Variants in NLRP14 observed in about 807,000 individuals in gnomAD.
NLRP14 encodes the protein NACHT, LRR and PYD domains-containing protein 14.
Under a neutral mutation model 94.7 loss-of-function variants are expected in NLRP14, and 105 were observed. The ratio of observed to expected loss-of-function variants is 1.11; its 90% CI spans 0.95 to 1.30. The LOEUF (loss-of-function observed/expected upper bound fraction) is 1.30. NLRP14 is among the 50% of genes most tolerant of loss of function. The pLI is 0.00. For missense variants in NLRP14, 1,362 were observed against 1,254.1 expected (o/e 1.09, Z -1.30); for synonymous variants, 508 against 459.9 (o/e 1.10, Z -1.34).
intron 5 of NLRP14, 64 bp downstream of exon 5, chr11:7,046,896 C>G (rs1852361043): frequency 3.2e-6 from 4 of 1,230,910 alleles, no homozygotes; most frequent in Non-Finnish European, 4.8e-6. Context: ...CCATCTTCCA[C>G]TCATACTCGT....
rs148284961 is a variant in NLRP14, at chr11:7,043,408, T to G, written c.1382T>G (p.Met461Arg). The G allele has an allele frequency of 6.2e-7, 1 of 1,614,010 alleles. No homozygotes were observed. Among genetic ancestry groups the G allele is most frequent in the Admixed American group, 1.7e-5 (1 of 60,014 alleles). The change falls in exon 4 of 12, where the codon ATG becomes AGG. Residue 461 changes from methionine to arginine, a missense_variant. By Grantham distance (91) the Met-to-Arg change is moderately conservative (BLOSUM62 -1). Transcript: ENST00000299481. Reference sequence around the variant, plus strand: ...ACTCAATCTGATGTCTCTAGTTTTATGGACAGCAATATTATTCAGAAGGAC... The same window carrying G: ...ACTCAATCTGATGTCTCTAGTTTTAGGGACAGCAATATTATTCAGAAGGAC... Reference protein sequence around the residue: ...GLTQSDVSSFMDSNIIQKDAE... With the variant: ...GLTQSDVSSFRDSNIIQKDAE...
At chr11:7,028,052 C>T (rs1249966343) in intron 1 of NLRP14, among the ~76,000 whole-genome samples, 1 of 152,068 alleles carries the variant, frequency 6.6e-6, no homozygotes, top group Non-Finnish European at 1.5e-5. Flanking sequence ...ATGTTCTATT[C>T]TCACTCCCGG....
Position 7,070,295 on chromosome 11 carries a change from C to G in NLRP14, c.2985C>G (p.Tyr995Ter), listed in dbSNP as rs1260131915. 5 of 1,609,598 alleles carry G rather than the reference C, an allele frequency of 3.1e-6. No homozygotes were observed. The highest frequency in any genetic ancestry group is 4.3e-6 in the Non-Finnish European group (5 of 1,176,468). ...TCTCTCTTCTCTACAGGTTGGAATA[C>G]TGTGGTTTGACATCTCTCTGCTGTC... ...NCNIQRLGLEYCGLTSLCCQD... is the reference protein window; with the variant it reads ...NCNIQRLGLE The change falls in exon 11 of 12, where the codon TAC becomes TAG. Residue 995 changes from tyrosine (Y) to a stop codon, truncating the protein, a stop_gained. Coordinates refer to ENST00000299481, the MANE Select transcript of NLRP14 (RefSeq NM_176822.4). LOFTEE classifies it high-confidence loss of function.
At chr11:7,089,041 C>A in the NLRP14 span, 1 of 1,511,894 alleles carries the variant, frequency 6.6e-7, no homozygotes, top group East Asian at 2.4e-5. Flanking sequence ...GAGCCGCCCT[C>A]GACGAGCGAG....
intron 6 of NLRP14, among the ~76,000 whole-genome samples, chr11:7,050,936 G>C (rs775094745): frequency 4.6e-5 from 7 of 152,184 alleles, no homozygotes; most frequent in Non-Finnish European, 8.8e-5. Flanking sequence ...AAATGTATTA[G>C]TAGCAAAAAG....
intron 1 of NLRP14, among the ~76,000 whole-genome samples, chr11:7,022,596 A>G (rs1192168258): frequency 6.6e-6 from 1 of 152,214 alleles, no homozygotes; most frequent in Non-Finnish European, 1.5e-5. Flanking sequence ...CTCTTCAAAC[A>G]TTAGCAGAAT....
chr11:7,039,734 C>A lies in NLRP14; in HGVS notation c.310C>A (p.Pro104Thr). ...EINWSAQTIGPDDAKAGETQE... is the reference protein window; with the variant it reads ...EINWSAQTIGTDDAKAGETQE... ...TGCAGGGTCGGCCCAGACTATAGGA[C>A]CAGATGATGCCAAGGCTGGAGAGAC... The change falls in exon 3 of 12, where the codon CCA becomes ACA. Residue 104 changes from proline to threonine, a missense_variant. Physicochemically the swap from Pro to Thr is conservative, Grantham distance 38. Transcript: ENST00000299481. The A allele has an allele frequency of 6.2e-7, 1 of 1,613,794 alleles. No individual in the cohort carries two copies. Among genetic ancestry groups the A allele is most frequent in the Non-Finnish European group, 8.5e-7 (1 of 1,179,748 alleles).
At chr11:7,088,020 C>A in the NLRP14 span, among the ~76,000 whole-genome samples, 2 of 152,036 alleles carry the variant, frequency 1.3e-5, no homozygotes, top group African/African-American at 4.8e-5. Context: ...ATTTACAAAT[C>A]CACAATTATG....
intron 1 of NLRP14, among the ~76,000 whole-genome samples, chr11:7,034,223 A>C (rs1347669530): frequency 6.6e-6 from 1 of 152,216 alleles, no homozygotes; most frequent in Non-Finnish European, 1.5e-5. Context: ...TGTCAATATC[A>C]GTACGGACTC....
intron 7 of NLRP14, 151 bp from the exon 8 acceptor site, chr11:7,058,129 G>C: frequency 1.4e-6 from 1 of 705,862 alleles, no homozygotes. Context: ...GCATACAGCT[G>C]CAATGGAATT....
Position 7,043,524 on chromosome 11 carries a change from G to T in NLRP14, c.1498G>T (p.Ala500Ser). The change falls in exon 4 of 12, where the codon GCT (alanine) becomes TCT (serine). Residue 500 changes from alanine to serine, a missense_variant. By Grantham distance (99) the Ala-to-Ser change is moderately conservative. Coordinates refer to ENST00000299481, the MANE Select transcript of NLRP14 (RefSeq NM_176822.4). ...MFYMLKGSWE[A>S]GNPSCQPFED... ...CTATATGTTGAAAGGCAGTTGGGAA[G>T]CTGGGAACCCTTCCTGCCAGCCTTT... 1 of 1,614,186 alleles carries T rather than the reference G, an allele frequency of 6.2e-7. No homozygotes were observed.
chr11:7,046,250 TG>T (rs894387345), intron 4 of NLRP14, among the ~76,000 whole-genome samples: 1 of 152,206 alleles, frequency 6.6e-6, no homozygotes, highest in Non-Finnish European at 1.5e-5. Flanking sequence ...GTGGTAGACC[TG>T]GGGCTCAGGC....
intron 10 of NLRP14, among the ~76,000 whole-genome samples, chr11:7,063,640 T>C (rs1852661163): frequency 1.3e-5 from 2 of 152,112 alleles, no homozygotes; most frequent in Non-Finnish European, 1.5e-5. Flanking sequence ...TCTTGGCTTC[T>C]GGTGAATTTT....
chr11:7,076,103 G>A (rs1020788744), downstream of NLRP14, among the ~76,000 whole-genome samples: 17 of 152,178 alleles, frequency 1.1e-4, no homozygotes, highest in African/African-American at 3.9e-4. Flanking sequence ...GTTAGAATAA[G>A]TCAAATGAAA....
the NLRP14 span, chr11:7,089,787 C>A: frequency 6.3e-7 from 1 of 1,596,950 alleles, no homozygotes; most frequent in East Asian, 2.3e-5. Context: ...CTACTCGAGC[C>A]GAGACTACCG....
At chr11:7,054,451 C>T (rs1852490543) in intron 6 of NLRP14, among the ~76,000 whole-genome samples, 1 of 152,092 alleles carries the variant, frequency 6.6e-6, no homozygotes, top group African/African-American at 2.4e-5. Context: ...CCTTTTTCTC[C>T]ACATCCTCAC....
intron 3 of NLRP14, among the ~76,000 whole-genome samples, 171 bp from the exon 4 acceptor site, chr11:7,042,217 G>T (rs1331833204): frequency 2.6e-5 from 4 of 151,448 alleles, no homozygotes; most frequent in African/African-American, 4.8e-5. Context: ...AAATCTATAG[G>T]AATATTTTTA....
rs1007887645 is a variant in NLRP14 at position 7,042,448 on chromosome 11, A to G, written c.422A>G (p.Lys141Arg). Residue 141 changes from lysine (K) to arginine (R), a missense_variant, in exon 4 of 12, where the codon AAG (lysine) becomes AGG (arginine). Lys to Arg is a conservative substitution (Grantham distance 26, BLOSUM62 2). Transcript: ENST00000299481. ...KEKFCITWDK[K>R]SLAGKPEDFH... ...AAATTTTGCATCACTTGGGACAAGA[A>G]GTCTTTGGCTGGAAAGCCTGAAGAT... The G allele has an allele frequency of 1.9e-6, 3 of 1,613,902 alleles. No homozygotes were observed. The African/African-American group carries it at 4.0e-5, about 22-fold the overall frequency.
intron 10 of NLRP14, among the ~76,000 whole-genome samples, chr11:7,068,152 A>G (rs1852734780): frequency 1.3e-5 from 2 of 151,800 alleles, no homozygotes; most frequent in Admixed American, 6.6e-5. Flanking sequence ...GAATTTGACC[A>G]TTTCTTTATT....
Sources: allele counts gnomAD v4.1 joint callset (sites outside exome capture counted in the v4.1 genomes callset), GRCh38; gene constraint gnomAD v4.1.1; transcripts MANE v1.5; gene names NCBI Gene and HGNC (gene_info 2026-07-23, HGNC 2026-07-21).